The following EXOC4 variants were observed in gnomAD, a reference collection of about 807,000 sequenced individuals.
EXOC4 encodes SEC8-like 1.
In EXOC4, 71 loss-of-function variants were observed where a neutral mutation model predicts 107.2. The ratio of observed to expected loss-of-function variants is 0.66; its 90% CI spans 0.55 to 0.81. EXOC4 has a LOEUF of 0.81. Among genes scored for constraint, EXOC4 ranks in the 30% least tolerant of loss-of-function variants. EXOC4 has a pLI of 0.00. For synonymous variants in EXOC4, 456 were observed against 441.2 expected (o/e 1.03, Z -0.42); for missense variants, 1,108 against 1,189.6 (o/e 0.93, Z 1.01).
chr7:133,717,072 C>A (rs988850696), intron 10 of EXOC4, among the ~76,000 whole-genome samples: 1 of 152,142 alleles, frequency 6.6e-6, no homozygotes, highest in Non-Finnish European at 1.5e-5. Context: ...TTCATAGTTA[C>A]ATTTTTTAAA....
At chr7:133,991,287 CGTTTTTT>C (rs987898258) in intron 14 of EXOC4, among the ~76,000 whole-genome samples, 8 of 151,304 alleles carry the variant, frequency 5.3e-5, no homozygotes, top group African/African-American at 1.7e-4. Flanking sequence ...TTTTTGTTTT[CGTTTTTT>C]GTTTTTTGTT....
intron 10 of EXOC4, among the ~76,000 whole-genome samples, chr7:133,782,605 T>G (rs1249166585): frequency 3.3e-5 from 5 of 152,194 alleles, no homozygotes; most frequent in Admixed American, 1.3e-4. Context: ...GGAGCCTTCT[T>G]CACATTCATT....
At chr7:134,070,347 G>A (rs7790199), downstream of EXOC4, among the ~76,000 whole-genome samples, 4,567 of 152,284 alleles carry the variant, frequency 0.03, 198 homozygotes, top group African/African-American at 0.095. Flanking sequence ...CTAATTTGGC[G>A]CAGGCGGAAG....
intron 10 of EXOC4, among the ~76,000 whole-genome samples, chr7:133,651,789 AT>A (rs1182751172): frequency 1.3e-5 from 2 of 152,136 alleles, no homozygotes; most frequent in African/African-American, 4.8e-5. Flanking sequence ...GGTTCAAGGG[AT>A]TCTCACGCCT....
rs183459773 is a variant in EXOC4, at chr7:133,452,255, A to G, written c.1183-23073A>G. On this transcript the variant is annotated intron_variant, in intron 7 of 17. Coordinates refer to ENST00000253861, the MANE Select transcript of EXOC4 (RefSeq NM_021807.4). ...CAGCAGCATTATTAGTAAATATCTC[A>G]TTTTCTGGATTCCAAGACCCTAAGA... Among the ~76,000 whole-genome samples, 37 of 152,194 alleles carry G rather than the reference A, an allele frequency of 2.4e-4. No homozygotes were observed. In the East Asian group the frequency reaches 6.4e-3, roughly 26 times the overall value.
intron 10 of EXOC4, among the ~76,000 whole-genome samples, chr7:133,638,228 T>C (rs1802760980): frequency 6.6e-6 from 1 of 152,178 alleles, no homozygotes; most frequent in Non-Finnish European, 1.5e-5. Flanking sequence ...AATTTTCAAA[T>C]GAATAAGGCA....
chr7:133,924,188 G>A lies in EXOC4; in HGVS notation c.2027+6450G>A, dbSNP rs575669292. On this transcript the variant is annotated intron_variant, in intron 13 of 17. Coordinates refer to ENST00000253861, the MANE Select transcript of EXOC4 (RefSeq NM_021807.4). ...GTGAACATGTCCCCACTCGTTCTCC[G>A]TAAGCATACTCATCTAACTACAGCT... Among the ~76,000 whole-genome samples the A allele has an allele frequency of 1.8e-4, 27 of 152,182 alleles. 1 individual carries two copies. The highest frequency in any genetic ancestry group is 1.7e-3 in the South Asian group (8 of 4,828).
chr7:133,525,873 T>C (rs938016208), intron 9 of EXOC4, among the ~76,000 whole-genome samples: 1 of 152,194 alleles, frequency 6.6e-6, no homozygotes, highest in African/African-American at 2.4e-5. Flanking sequence ...AAATAAAAGA[T>C]ACGTGTTTTC....
chr7:133,433,810 A>T lies in EXOC4; in HGVS notation c.1183-41518A>T, dbSNP rs181420630. On this transcript the variant is annotated intron_variant, in intron 7 of 17. Transcript: ENST00000253861. ...AGGATTGAAAGCTCACTTTAAAGAA[A>T]TGCTTACAATTCAGATGGGAAGAAG... Among the ~76,000 whole-genome samples, 735 of 152,286 alleles carry T rather than the reference A, an allele frequency of 4.8e-3. 4 individuals are homozygous for T. Among genetic ancestry groups the T allele is most frequent in the Middle Eastern group, 0.017 (5 of 294 alleles).
intron 9 of EXOC4, among the ~76,000 whole-genome samples, chr7:133,541,355 C>T (rs1296957175): frequency 6.6e-6 from 1 of 152,114 alleles, no homozygotes; most frequent in African/African-American, 2.4e-5. Flanking sequence ...TTAGAATCTC[C>T]CTGATAGCTA....
At chr7:133,346,567 A>G (rs563144623) in intron 5 of EXOC4, among the ~76,000 whole-genome samples, 2 of 152,178 alleles carry the variant, frequency 1.3e-5, no homozygotes, top group South Asian at 2.1e-4. Flanking sequence ...CTTTCTTACT[A>G]TTTTCTACTT....
At chr7:133,571,060 CT>C (rs1267487466) in intron 9 of EXOC4, among the ~76,000 whole-genome samples, 1 of 152,120 alleles carries the variant, frequency 6.6e-6, no homozygotes. Flanking sequence ...CAAACTCTGC[CT>C]TTAAGTAACT....
At chr7:133,978,290 G>T (rs572382717) in intron 14 of EXOC4, among the ~76,000 whole-genome samples, 40 of 152,326 alleles carry the variant, frequency 2.6e-4, no homozygotes, top group Non-Finnish European at 4.3e-4. Context: ...AAAGCCAGTT[G>T]AGATCTACGT....
chr7:133,360,928 A>AT (rs1398288711), intron 6 of EXOC4, among the ~76,000 whole-genome samples: 1 of 152,170 alleles, frequency 6.6e-6, no homozygotes, highest in African/African-American at 2.4e-5. Context: ...ATTTTATTAT[A>AT]TATGTGTATC....
chr7:133,253,694 G>A (rs1386405634), intron 1 of EXOC4: 1 of 192,742 alleles, frequency 5.2e-6, no homozygotes, highest in Admixed American at 6.5e-5. Flanking sequence ...ACAAGAATCT[G>A]CAGTGAGCTG....
the EXOC4 span, among the ~76,000 whole-genome samples, chr7:134,074,820 C>A: frequency 7.2e-5 from 11 of 152,244 alleles, no homozygotes; most frequent in Non-Finnish European, 1.5e-4. Flanking sequence ...CAGTGTACCA[C>A]TGAAGGCTCA....
Position 134,046,434 on chromosome 7 carries a change from C to CA in EXOC4, c.2688-17856dup, listed in dbSNP as rs1451828392. On this transcript the variant is annotated intron_variant, in intron 17 of 17. Transcript: ENST00000253861. ...GCAGTGAGCCAAGATCGTACCACTGCATTCTAGCCAGGACGACAGAGTAAG... is the reference window on the plus strand; with the variant it reads ...GCAGTGAGCCAAGATCGTACCACTGCAATTCTAGCCAGGACGACAGAGTAAG... 2.7e-5 allele frequency among the ~76,000 whole-genome samples: 4 copies of CA among 150,682 alleles called. No homozygotes were observed. The East Asian group carries it at 8.1e-4, about 31-fold the overall frequency.
At chr7:133,833,834 G>T (rs1797862091) in intron 11 of EXOC4, among the ~76,000 whole-genome samples, 1 of 152,176 alleles carries the variant, frequency 6.6e-6, no homozygotes, top group Admixed American at 6.5e-5. Flanking sequence ...CAACATGTTG[G>T]ATTTATAGAT....
intron 1 of EXOC4, among the ~76,000 whole-genome samples, chr7:133,255,186 C>CT (rs761906356): frequency 6.1e-4 from 91 of 150,002 alleles, no homozygotes; most frequent in Admixed American, 2.0e-3. Flanking sequence ...CTTTTCTTTT[C>CT]TTTTTTTTTG....
Sources: allele counts gnomAD v4.1 joint callset (sites outside exome capture counted in the v4.1 genomes callset), GRCh38; gene constraint gnomAD v4.1.1; transcripts MANE v1.5; gene names NCBI Gene and HGNC (gene_info 2026-07-23, HGNC 2026-07-21).